TMEM266: variants seen among roughly 807,000 people sequenced by gnomAD.
The protein encoded by TMEM266 is transmembrane protein 266, also known as Hv1 related protein 1.
In TMEM266, 33 loss-of-function variants were observed where a neutral mutation model predicts 50.5. The ratio of observed to expected loss-of-function variants is 0.65; its 90% confidence interval spans 0.50 to 0.87. The LOEUF is 0.87. Among genes scored for constraint, TMEM266 ranks in the 40% least tolerant of loss-of-function variants. The probability of loss-of-function intolerance (pLI) is 0.00; values close to 1 mark genes in which losing one functional copy is unlikely to be tolerated. For missense variants in TMEM266, 655 were observed against 695.1 expected (o/e 0.94, Z 0.65); for synonymous variants, 310 against 292.3 (o/e 1.06, Z -0.62).
intron 1 of TMEM266, among the ~76,000 whole-genome samples, chr15:76,089,823 C>A (rs35694825): frequency 0.22 from 33,845 of 151,852 alleles, 4,224 homozygotes; most frequent in Non-Finnish European, 0.27. Context: ...AGCAGTGAGA[C>A]TAGAGAAGAT....
At chr15:76,200,357 A>G (rs2038726844) in intron 9 of TMEM266, among the ~76,000 whole-genome samples, 1 of 152,080 alleles carries the variant, frequency 6.6e-6, no homozygotes, top group African/African-American at 2.4e-5. Flanking sequence ...CCCCATCACA[A>G]TCTGAAAGAG....
chr15:76,075,354 G>A (rs2959842), intron 1 of TMEM266, among the ~76,000 whole-genome samples: 128,502 of 152,094 alleles, frequency 0.84, 54,590 homozygotes, highest in South Asian at 0.91. Flanking sequence ...AGAACATTCA[G>A]TGAAGGGAGA....
intron 1 of TMEM266, among the ~76,000 whole-genome samples, chr15:76,130,842 T>G (rs1596123731): frequency 6.6e-6 from 1 of 152,362 alleles, no homozygotes; most frequent in African/African-American, 2.4e-5. Context: ...AAATTTTTCA[T>G]AATCTTTACT....
At chr15:76,064,066 A>G (rs1327092094) in intron 1 of TMEM266, among the ~76,000 whole-genome samples, 1 of 152,154 alleles carries the variant, frequency 6.6e-6, no homozygotes, top group East Asian at 1.9e-4. Flanking sequence ...GTTCCCTTGT[A>G]ATGGGAATGC....
chr15:76,127,603 G>A (rs899705510), intron 1 of TMEM266, among the ~76,000 whole-genome samples: 1 of 152,120 alleles, frequency 6.6e-6, no homozygotes, highest in Non-Finnish European at 1.5e-5. Flanking sequence ...TGGGATAACA[G>A]GCATGATCCA....
intron 1 of TMEM266, among the ~76,000 whole-genome samples, chr15:76,076,975 G>T (rs976910410): frequency 2.8e-4 from 43 of 151,594 alleles, no homozygotes; most frequent in Middle Eastern, 3.4e-3. Context: ...TGTTGTTGTT[G>T]TTTTTTTGAG....
intron 3 of TMEM266, among the ~76,000 whole-genome samples, chr15:76,141,746 C>T (rs530014180): frequency 1.3e-5 from 2 of 152,160 alleles, no homozygotes; most frequent in Non-Finnish European, 2.9e-5. Context: ...TTCCTGTTCC[C>T]CCACTCCTCC....
At chr15:76,126,658 A>G (rs1377957639) in intron 1 of TMEM266, among the ~76,000 whole-genome samples, 1 of 151,058 alleles carries the variant, frequency 6.6e-6, no homozygotes, top group African/African-American at 2.4e-5. Context: ...CAGCCTCCTG[A>G]GTAGCTGGGA....
intron 8 of TMEM266, chr15:76,191,761 C>A: frequency 1.9e-6 from 1 of 514,386 alleles, no homozygotes; most frequent in South Asian, 2.8e-5. Context: ...GACGCAGGAT[C>A]GCACAGGTTG....
At chr15:76,118,983 G>C (rs1219084847) in intron 1 of TMEM266, among the ~76,000 whole-genome samples, 1 of 152,144 alleles carries the variant, frequency 6.6e-6, no homozygotes, top group East Asian at 1.9e-4. Context: ...TTCAAATGAA[G>C]CTCTGCCAAC....
rs745917005 is a variant in TMEM266 at position 76,204,031 on chromosome 15, G to C, written c.1312G>C (p.Ala438Pro). ...GCCATCCCAGCAGCAGGTGGAGGAG[G>C]CCACAGTCCAGGACCTGCTGTCCTC... is the stretch of plus-strand genomic sequence containing the variant. Residue 438 changes from alanine to proline, a missense_variant, in exon 11 of 11, where the codon GCC (alanine) becomes CCC (proline). Around this residue, in one of 3 missense-constraint regions of TMEM266, gnomAD observed 455 missense variants for 401.8 expected, o/e 1.13. Transcript: ENST00000388942. 1.5e-4 allele frequency: 249 copies of C among 1,610,138 alleles called. No homozygotes were observed. Among genetic ancestry groups the C allele is most frequent in the Non-Finnish European group, 2.1e-4 (242 of 1,177,382 alleles).
intron 1 of TMEM266, among the ~76,000 whole-genome samples, chr15:76,098,479 A>T (rs2036953406): frequency 6.6e-6 from 1 of 152,112 alleles, no homozygotes; most frequent in South Asian, 2.1e-4. Context: ...CACCTGCCAG[A>T]TGCCAGCCAG....
At position 76,192,162 on chromosome 15, in the gene TMEM266, G is replaced by T; in HGVS notation, c.958+5G>T. Reference sequence around the variant, plus strand: ...AGGAGCTGCAGCCCTCGCAAGGTAAGCCCGGGTCTCCACCCGGCCCCAGAG... The same window carrying T: ...AGGAGCTGCAGCCCTCGCAAGGTAATCCCGGGTCTCCACCCGGCCCCAGAG... On this transcript the variant is annotated splice_donor_5th_base_variant and intron_variant, in intron 9 of 10. Coordinates refer to ENST00000388942, the MANE Select transcript of TMEM266 (RefSeq NM_152335.3). 2.1e-6 allele frequency: 3 copies of T among 1,395,544 alleles called. No individual in the cohort carries two copies. Among genetic ancestry groups the T allele is most frequent in the Non-Finnish European group, 2.8e-6 (3 of 1,078,686 alleles). 86.4% of individuals were successfully genotyped at this position (1,395,544 alleles called of 1,614,324 possible). A position where few individuals can be genotyped will look rare whatever the true frequency, so the allele number is the denominator to read the frequency against.
At chr15:76,112,500 GAGA>G (rs1255587494) in intron 1 of TMEM266, 1 of 152,142 alleles carries the variant, frequency 6.6e-6, no homozygotes, top group Non-Finnish European at 1.5e-5. Context: ...ATTATTCCAA[GAGA>G]AGATCAGTTG....
chr15:76,162,553 T>C (rs1288562880), intron 5 of TMEM266, among the ~76,000 whole-genome samples: 1 of 152,142 alleles, frequency 6.6e-6, no homozygotes, highest in Non-Finnish European at 1.5e-5. Context: ...TCAGCCTGTG[T>C]GTTTGCCCAC....
chr15:76,173,786 A>G (rs1178351680), intron 7 of TMEM266, among the ~76,000 whole-genome samples: 6 of 151,858 alleles, frequency 4.0e-5, no homozygotes, highest in Middle Eastern at 3.2e-3. Context: ...TATAAAAATT[A>G]GCTGAGTGTG....
At chr15:76,090,467 G>T (rs1325365030) in intron 1 of TMEM266, among the ~76,000 whole-genome samples, 1 of 148,550 alleles carries the variant, frequency 6.7e-6, no homozygotes, top group Non-Finnish European at 1.5e-5. Flanking sequence ...ACTCCAGGCT[G>T]GGTGACAGAG....
chr15:76,091,375 G>C (rs1427237909), intron 1 of TMEM266, among the ~76,000 whole-genome samples: 2 of 150,768 alleles, frequency 1.3e-5, no homozygotes, highest in African/African-American at 4.8e-5. Flanking sequence ...GACCCACAGA[G>C]TAATGTGTCT....
At chr15:76,119,514 C>T (rs2037308436) in intron 1 of TMEM266, among the ~76,000 whole-genome samples, 1 of 151,932 alleles carries the variant, frequency 6.6e-6, no homozygotes, top group Non-Finnish European at 1.5e-5. Context: ...GGCCTGTCAT[C>T]CCAGCACTTT....
Sources: gnomAD v4.1 joint callset for allele counts (sites outside exome capture counted in the v4.1 genomes callset) on GRCh38, gnomAD v4.1.1 for gene constraint, gnomAD v4.1.1 regional missense constraint, MANE v1.5 for transcripts, NCBI Gene and HGNC (gene_info 2026-07-23, HGNC 2026-07-21) for gene names.